The following C8orf74 variants were observed in gnomAD, a reference collection of about 807,000 sequenced individuals.
C8orf74 encodes uncharacterized protein C8orf74.
Under a neutral mutation model 22.2 loss-of-function variants are expected in C8orf74, and 29 were observed. The observed-to-expected ratio is 1.31, with a 90% CI of 0.97 to 1.78. The LOEUF (loss-of-function observed/expected upper bound fraction) is 1.78, where lower values mean the gene tolerates loss of function less well. Among genes scored for constraint, C8orf74 ranks in the 40% most tolerant of loss-of-function variants. The pLI is 0.00. For synonymous variants in C8orf74, 255 were observed against 163.1 expected, an observed-to-expected ratio of 1.56 and a Z score of -4.30; for missense variants, 515 against 369.9, an observed-to-expected ratio of 1.39 and a Z score of -3.22.
chr8:10,674,784 G>T lies in C8orf74; in HGVS notation c.187G>T (p.Val63Leu), dbSNP rs1303533952. Reference protein sequence around the residue: ...IFAVGKGFPWVEVAQVVKFTE... With the variant: ...IFAVGKGFPWLEVAQVVKFTE... The stretch of plus-strand genomic sequence containing the variant: ...TGCAGTGGGCAAAGGCTTCCCATGG[G>T]TGGAGGTGGCCCAGGTGGTCAAGTT... Residue 63 changes from valine to leucine, a missense_variant, in exon 2 of 4, where the codon GTG becomes TTG. Val to Leu is a conservative substitution (Grantham distance 32). Transcript: ENST00000304519. 1.9e-6 allele frequency: 3 copies of T among 1,606,898 alleles called. No homozygotes were observed. The African/African-American group carries it at 4.0e-5, about 21-fold the overall frequency.
intron 2 of C8orf74, chr8:10,675,840 G>C (rs1243902567): frequency 6.6e-6 from 1 of 152,218 alleles, no homozygotes; most frequent in African/African-American, 2.4e-5. Flanking sequence ...GCCCAGCAAA[G>C]ACTGATAAAC....
At chr8:10,692,450 T>C (rs73532605) in intron 2 of C8orf74, 9,225 of 152,380 alleles carry the variant, frequency 0.061, 869 homozygotes, top group African/African-American at 0.2. Flanking sequence ...GCAGCCTCCA[T>C]GGTGAAAGCC....
Position 10,674,669 on chromosome 8 carries a change from G to C in C8orf74, c.72G>C (p.Leu24=), listed in dbSNP as rs561041578. The C allele has an allele frequency of 6.2e-7, 1 of 1,609,870 alleles. No individual in the cohort carries two copies. Among genetic ancestry groups the C allele is most frequent in the African/African-American group, 1.3e-5 (1 of 74,842 alleles). Residue 24 remains leucine, a synonymous_variant, in exon 2 of 4, where the codon CTG becomes CTC. Transcript: ENST00000304519. ...QLQRPQGRER[L]RRLLNWEEFD... ...AGAGACCACAAGGTCGGGAGCGCCT[G>C]CGGAGGCTTCTGAACTGGGAGGAGT...
intron 2 of C8orf74, among the ~76,000 whole-genome samples, chr8:10,677,581 T>G (rs1187855267): frequency 6.6e-6 from 1 of 152,130 alleles, no homozygotes; most frequent in Non-Finnish European, 1.5e-5. Flanking sequence ...CACCACCTCT[T>G]TTTTTATTTT....
At chr8:10,684,349 GA>G (rs1381583559) in intron 2 of C8orf74, among the ~76,000 whole-genome samples, 2 of 152,192 alleles carry the variant, frequency 1.3e-5, no homozygotes, top group African/African-American at 4.8e-5. Context: ...TGGCGGCAAG[GA>G]TCAGTGAGGG....
intron 2 of C8orf74, among the ~76,000 whole-genome samples, chr8:10,678,119 C>A (rs1211814604): frequency 2.0e-5 from 3 of 152,180 alleles, no homozygotes; most frequent in Non-Finnish European, 4.4e-5. Flanking sequence ...GCTTCCCATG[C>A]CTGAAATTAA....
At chr8:10,680,852 C>G (rs1303957064) in intron 2 of C8orf74, among the ~76,000 whole-genome samples, 1 of 152,182 alleles carries the variant, frequency 6.6e-6, no homozygotes, top group Non-Finnish European at 1.5e-5. Flanking sequence ...CACCTTGCAT[C>G]CCACCCTGTC....
intron 2 of C8orf74, among the ~76,000 whole-genome samples, chr8:10,677,705 T>C (rs2129056325): frequency 6.6e-6 from 1 of 152,264 alleles, no homozygotes; most frequent in Middle Eastern, 3.4e-3. Context: ...ATTCTTAACA[T>C]ACGGCATCTG....
intron 1 of C8orf74, among the ~76,000 whole-genome samples, 200 bp downstream of exon 1, chr8:10,672,913 T>C (rs1415208647): frequency 2.0e-5 from 3 of 152,106 alleles, no homozygotes; most frequent in African/African-American, 4.8e-5. Flanking sequence ...TGGGCTGTTT[T>C]TCAAGCCACA....
In C8orf74 at chr8:10,672,692, G is replaced by A. The variant is rs1047699029; in HGVS notation, c.27G>A (p.Val9=). The A allele has an allele frequency of 2.4e-5, 37 of 1,565,352 alleles. No homozygotes were observed. Among genetic ancestry groups the A allele is most frequent in the Non-Finnish European group, 3.0e-5 (35 of 1,154,636 alleles). ...TGGCACTCTTAACACCCCAGGGAGT[G>A]AAAGAAGTCTTCCAACTTCAGGTGA... MALLTPQG[V]KEVFQLQRPQ... The change falls in exon 1 of 4, where the codon GTG becomes GTA. Residue 9 remains valine (V), a synonymous_variant. Coordinates refer to ENST00000304519, the MANE Select transcript of C8orf74 (RefSeq NM_001040032.2).
At chr8:10,699,261 G>A (rs2129059455) in intron 3 of C8orf74, among the ~76,000 whole-genome samples, 1 of 152,320 alleles carries the variant, frequency 6.6e-6, no homozygotes, top group African/African-American at 2.4e-5. Context: ...TGGTGGAGCT[G>A]GTGAGCCAGA....
At chr8:10,677,021 G>C (rs1799047216) in intron 2 of C8orf74, among the ~76,000 whole-genome samples, 1 of 152,092 alleles carries the variant, frequency 6.6e-6, no homozygotes, top group Non-Finnish European at 1.5e-5. Flanking sequence ...CTTCTGGTTG[G>C]AGCATGCCTT....
chr8:10,698,412 G>C lies in C8orf74; in HGVS notation c.648+407G>C, dbSNP rs1047257951. Among the ~76,000 whole-genome samples the C allele has an allele frequency of 5.3e-5, 8 of 152,086 alleles. 1 individual carries two copies. Among genetic ancestry groups the C allele is most frequent in the African/African-American group, 1.7e-4 (7 of 41,414 alleles). ...TCCAGAGCCGGCATGCCCCTAGGATGGGGGAGAAGATGGAGGAGGCAGGGA... is the reference window on the plus strand; with the variant it reads ...TCCAGAGCCGGCATGCCCCTAGGATCGGGGAGAAGATGGAGGAGGCAGGGA... On this transcript the variant is annotated intron_variant, in intron 3 of 3. Transcript: ENST00000304519.
At chr8:10,684,071 G>A (rs1228854043) in intron 2 of C8orf74, among the ~76,000 whole-genome samples, 2 of 152,170 alleles carry the variant, frequency 1.3e-5, no homozygotes, top group African/African-American at 4.8e-5. Context: ...GACCAGGGAA[G>A]GGGATGATGA....
chr8:10,700,584 A>G lies in C8orf74; in HGVS notation c.*113A>G. 1 of 641,260 alleles carries G rather than the reference A, an allele frequency of 1.6e-6. No homozygotes were observed. Among genetic ancestry groups the G allele is most frequent in the South Asian group, 2.4e-5 (1 of 41,558 alleles). 39.7% of individuals were successfully genotyped at this position (641,260 alleles called of 1,614,324 possible). ...GAGACTTCTTGTGATTAAAAGAAAC[A>G]AACCCATGCCATCATCTGGTCTCTG... On this transcript the variant is annotated 3_prime_UTR_variant, in exon 4 of 4. Coordinates refer to ENST00000304519, the MANE Select transcript of C8orf74 (RefSeq NM_001040032.2).
At chr8:10,684,329 C>A (rs1799216738) in intron 2 of C8orf74, among the ~76,000 whole-genome samples, 1 of 152,172 alleles carries the variant, frequency 6.6e-6, no homozygotes, top group African/African-American at 2.4e-5. Flanking sequence ...CATTCTAGCT[C>A]CTTGAGAAAT....
At chr8:10,680,955 T>C (rs113766097) in intron 2 of C8orf74, among the ~76,000 whole-genome samples, 2 of 152,106 alleles carry the variant, frequency 1.3e-5, no homozygotes, top group African/African-American at 4.8e-5. Context: ...AAATCCACAC[T>C]GGGCTTTCAG....
intron 2 of C8orf74, among the ~76,000 whole-genome samples, chr8:10,694,715 T>A (rs1325087526): frequency 6.6e-6 from 1 of 152,248 alleles, no homozygotes; most frequent in African/African-American, 2.4e-5. Flanking sequence ...TTTTTTCTTT[T>A]GGCATAGTGA....
At chr8:10,700,059 G>A (rs535219890) in intron 3 of C8orf74, among the ~76,000 whole-genome samples, 176 bp from the exon 4 acceptor site, 10 of 151,600 alleles carry the variant, frequency 6.6e-5, no homozygotes, top group South Asian at 2.1e-4. Context: ...CAGACCTCCC[G>A]CCCCTAGTTG....
Sources: allele counts gnomAD v4.1 joint callset (sites outside exome capture counted in the v4.1 genomes callset), GRCh38; gene constraint gnomAD v4.1.1; transcripts MANE v1.5; gene names NCBI Gene and HGNC (gene_info 2026-07-23, HGNC 2026-07-21).